The following EPGN variants were observed in gnomAD, a reference collection of about 807,000 sequenced individuals.
EPGN encodes the protein epigen.
A neutral mutation model predicts 20.7 loss-of-function variants in EPGN; 21 were observed. That is an observed-to-expected ratio of 1.01 (90% confidence interval 0.72 to 1.46). EPGN has a LOEUF of 1.46. Ranked by LOEUF, EPGN falls within the 40% of genes most tolerant of loss-of-function variation. EPGN has a pLI of 0.00. For synonymous variants in EPGN, 69 were observed against 63.8 expected (o/e 1.08, Z -0.39); for missense variants, 199 against 180.7 (o/e 1.10, Z -0.58).
chr4:74,312,301 T>C lies in EPGN; in HGVS notation c.250T>C (p.Cys84Arg). ...AFHHELEKAI[C>R]RCFTGYTGER... ...CCACCATGAGCTAGAGAAAGCCATC[T>C]GCAGGTAAATGCAAAGAAATATCCA... The change falls in exon 3 of 5, where the codon TGC (cysteine) becomes CGC (arginine). Residue 84 changes from cysteine to arginine, a missense_variant. Transcript: ENST00000413830. The C allele has an allele frequency of 1.9e-6, 3 of 1,608,098 alleles. No individual in the cohort carries two copies. Among genetic ancestry groups the C allele is most frequent in the Non-Finnish European group, 2.5e-6 (3 of 1,178,130 alleles).
intron 4 of EPGN, among the ~76,000 whole-genome samples, chr4:74,313,842 C>A (rs535579156): frequency 3.3e-5 from 5 of 152,296 alleles, no homozygotes; most frequent in Non-Finnish European, 2.9e-5. Context: ...CCTTGCTGTA[C>A]TCTAATAAGT....
In EPGN at chr4:74,314,974, T is replaced by C; in HGVS notation, c.*337T>C. On this transcript the variant is annotated 3_prime_UTR_variant, in exon 5 of 5. Coordinates refer to ENST00000413830, the MANE Select transcript of EPGN (RefSeq NM_001270989.2). ...CAGATGTGAATTTTCATGGGAATAA[T>C]AATCAACCTTGCAGCAAGCCAAAGC... is the stretch of plus-strand genomic sequence containing the variant. 3.5e-6 allele frequency: 1 copy of C among 284,812 alleles called. No homozygotes were observed. The highest frequency in any genetic ancestry group is 6.6e-6 in the Non-Finnish European group (1 of 152,196). The allele number at this position is 284,812 out of a possible 1,614,324, so 17.6% of individuals were successfully genotyped here.
intron 2 of EPGN, among the ~76,000 whole-genome samples, chr4:74,310,230 G>C (rs1202860871): frequency 6.6e-6 from 1 of 151,982 alleles, no homozygotes; most frequent in East Asian, 1.9e-4. Context: ...AGGAGGCCAA[G>C]GCGGGCAGAT....
intron 2 of EPGN, 96 bp from the exon 3 acceptor site, chr4:74,312,089 A>G: frequency 7.2e-7 from 1 of 1,381,142 alleles, no homozygotes; most frequent in Non-Finnish European, 9.6e-7. Context: ...ACCCCCAAAT[A>G]TCCTTAAAAT....
At chr4:74,314,471 G>T in intron 4 of EPGN, 109 bp from the exon 5 acceptor site, 2 of 1,061,668 alleles carry the variant, frequency 1.9e-6, no homozygotes, top group South Asian at 2.9e-5. Context: ...GGGTAAAGGG[G>T]ATCTGGGTGG....
chr4:74,313,079 G>A lies in EPGN; in HGVS notation c.316G>A (p.Asp106Asn), dbSNP rs757924190. 3 of 1,613,176 alleles carry A rather than the reference G, an allele frequency of 1.9e-6. No homozygotes were observed. The East Asian group carries it at 6.7e-5, about 36-fold the overall frequency. Residue 106 changes from aspartate to asparagine, a missense_variant, in exon 4 of 5, where the codon GAT becomes AAT. Coordinates refer to ENST00000413830, the MANE Select transcript of EPGN (RefSeq NM_001270989.2). ...EHLTLTSYAVDSYEKYIAIGI... is the reference protein window; with the variant it reads ...EHLTLTSYAVNSYEKYIAIGI... ...CTTGACTTTAACTTCATATGCTGTG[G>A]ATTCTTATGAAAAATACATTGCAAT...
chr4:74,313,045 G>C lies in EPGN; in HGVS notation c.282G>C (p.Arg94Ser), dbSNP rs1234924693. ...GTTTTACTGGTTATACTGGAGAAAG[G>C]TGTGAGCACTTGACTTTAACTTCAT... The part of the protein sequence containing the change: ...CRCFTGYTGE[R>S]CEHLTLTSYA... The change falls in exon 4 of 5, where the codon AGG becomes AGC. Residue 94 changes from arginine to serine, a missense_variant. Coordinates refer to ENST00000413830, the MANE Select transcript of EPGN (RefSeq NM_001270989.2). The C allele has an allele frequency of 6.2e-7, 1 of 1,611,766 alleles. No individual in the cohort carries two copies. Among genetic ancestry groups the C allele is most frequent in the African/African-American group, 1.3e-5 (1 of 74,872 alleles).
At chr4:74,311,336 G>T (rs546452097) in intron 2 of EPGN, among the ~76,000 whole-genome samples, 4 of 151,976 alleles carry the variant, frequency 2.6e-5, no homozygotes, top group Admixed American at 2.6e-4. Context: ...CAAAATGAAC[G>T]TGAATTAGAA....
Position 74,315,723 on chromosome 4 carries a change from G to A in EPGN, c.*1086G>A, listed in dbSNP as rs937629034. 5.9e-5 allele frequency among the ~76,000 whole-genome samples: 9 copies of A among 152,078 alleles called. No individual in the cohort carries two copies. The highest frequency in any genetic ancestry group is 2.1e-4 in the South Asian group (1 of 4,794). On this transcript the variant is annotated 3_prime_UTR_variant, in exon 5 of 5. Transcript: ENST00000413830. ...TCCTAGCACTTTGGGAGGCCGAGGC[G>A]GATGGAGCACCTGAGGTCAGGAGTT...
chr4:74,308,664 T>C (rs1750691816), intron 1 of EPGN, 88 bp downstream of exon 1: 1 of 1,126,900 alleles, frequency 8.9e-7, no homozygotes, highest in Admixed American at 2.1e-5. Flanking sequence ...AGAAGTTGGC[T>C]TCTAACAGTT....
intron 4 of EPGN, chr4:74,314,309 A>C: frequency 5.5e-6 from 3 of 549,004 alleles, no homozygotes; most frequent in Non-Finnish European, 9.9e-6. Context: ...ATATTATTCA[A>C]TCATGGATTC....
Position 74,312,251 on chromosome 4 carries a change from A to T in EPGN, c.200A>T (p.Tyr67Phe). The T allele has an allele frequency of 1.9e-6, 3 of 1,613,508 alleles. No individual in the cohort carries two copies. Among genetic ancestry groups the T allele is most frequent in the Non-Finnish European group, 2.5e-6 (3 of 1,179,620 alleles). The change falls in exon 3 of 5, where the codon TAC (tyrosine) becomes TTC (phenylalanine). Residue 67 changes from tyrosine to phenylalanine, a missense_variant. Physicochemically the swap from Tyr to Phe is conservative, Grantham distance 22. Coordinates refer to ENST00000413830, the MANE Select transcript of EPGN (RefSeq NM_001270989.2). ...CTTTGCCTGGAAGATCATAACAGTT[A>T]CTGCATCAACGGTGCTTGTGCATTC... ...SHLCLEDHNS[Y>F]CINGACAFHH...
chr4:74,314,723 T>C lies in EPGN; in HGVS notation c.*86T>C, dbSNP rs1488138580. On this transcript the variant is annotated 3_prime_UTR_variant, in exon 5 of 5. Transcript: ENST00000413830. ...TTTTCAGATGAAACAACAAAACTTG[T>C]CAAGCTGACTAGACTCGAAAATAAT... is the stretch of plus-strand genomic sequence containing the variant. The C allele has an allele frequency of 7.7e-6, 9 of 1,170,140 alleles. No homozygotes were observed. In the East Asian group the frequency reaches 2.0e-4, roughly 27 times the overall value. 72.5% of individuals were successfully genotyped at this position (1,170,140 alleles called of 1,614,324 possible).
At position 74,312,234 on chromosome 4, in the gene EPGN, G is replaced by A. The variant is rs371408244; in HGVS notation, c.183G>A (p.Leu61=). 184 of 1,613,132 alleles carry A rather than the reference G, an allele frequency of 1.1e-4. No individual in the cohort carries two copies. Among genetic ancestry groups the A allele is most frequent in the Non-Finnish European group, 1.5e-4 (182 of 1,179,558 alleles). ...PIALKFSHLC[L]EDHNSYCING... is the part of the protein sequence containing the mutation. ...CCTTGAAGTTCTCACACCTTTGCCT[G>A]GAAGATCATAACAGTTACTGCATCA... The change falls in exon 3 of 5, where the codon CTG becomes CTA. Residue 61 remains leucine, a synonymous_variant. Transcript: ENST00000413830.
At chr4:74,314,396 T>C (rs1578791797) in intron 4 of EPGN, 184 bp from the exon 5 acceptor site, 2 of 628,460 alleles carry the variant, frequency 3.2e-6, no homozygotes, top group East Asian at 5.5e-5. Context: ...TGGGCAGACC[T>C]TGGGAGAAGA....
rs377113589 is a variant in EPGN at position 74,309,116 on chromosome 4, G to A, written c.67G>A (p.Ala23Thr). The A allele has an allele frequency of 6.2e-7, 1 of 1,613,432 alleles. No homozygotes were observed. Among genetic ancestry groups the A allele is most frequent in the Non-Finnish European group, 8.5e-7 (1 of 1,179,544 alleles). ...AGCAATGACAGCACTGACCGAAGAG[G>A]CAGCCGTGACTGTAACACCTCCAAT... ...FNAMTALTEE[A>T]AVTVTPPITA... is the part of the protein sequence containing the mutation. The change falls in exon 2 of 5, where the codon GCA becomes ACA. Residue 23 changes from alanine (A) to threonine (T), a missense_variant. Ala to Thr is a moderately conservative substitution (Grantham distance 58, BLOSUM62 0). Coordinates refer to ENST00000413830, the MANE Select transcript of EPGN (RefSeq NM_001270989.2).
Position 74,313,136 on chromosome 4 carries a change from T to A in EPGN, c.373T>A (p.Phe125Ile). Reference sequence around the variant, plus strand: ...TGGTGTTGGATTACTATTAAGTGGTTTTCTTGTTATTTTTTACTGCTATAT... The same window carrying A: ...TGGTGTTGGATTACTATTAAGTGGTATTCTTGTTATTTTTTACTGCTATAT... ...GIGVGLLLSG[F>I]LVIFYCYIRK... The change falls in exon 4 of 5, where the codon TTT (phenylalanine) becomes ATT (isoleucine). Residue 125 changes from phenylalanine (F) to isoleucine (I), a missense_variant. By Grantham distance (21) the Phe-to-Ile change is conservative. Coordinates refer to ENST00000413830, the MANE Select transcript of EPGN (RefSeq NM_001270989.2). The A allele has an allele frequency of 6.2e-7, 1 of 1,612,080 alleles. No individual in the cohort carries two copies. The highest frequency in any genetic ancestry group is 8.5e-7 in the Non-Finnish European group (1 of 1,179,392).
chr4:74,309,472 C>A (rs1298876373), intron 2 of EPGN, among the ~76,000 whole-genome samples: 4 of 152,114 alleles, frequency 2.6e-5, no homozygotes, highest in African/African-American at 4.8e-5. Flanking sequence ...TTCCCAATAA[C>A]CCCTGTGTGT....
chr4:74,309,231 GAGAGA>G, intron 2 of EPGN, 49 bp downstream of exon 2: 1 of 1,538,652 alleles, frequency 6.5e-7, no homozygotes, highest in Admixed American at 1.7e-5. Flanking sequence ...TAAAACTTGG[GAGAGA>G]AATTTGGATT....
Sources: allele counts gnomAD v4.1 joint callset (sites outside exome capture counted in the v4.1 genomes callset), GRCh38; gene constraint gnomAD v4.1.1; transcripts MANE v1.5; gene names NCBI Gene and HGNC (gene_info 2026-07-23, HGNC 2026-07-21).